UBE2E3: variants seen among roughly 807,000 people sequenced by gnomAD.
UBE2E3 encodes ubiquitin-conjugating enzyme E2 E3.
A neutral mutation model predicts 23.6 loss-of-function variants in UBE2E3; 5 were observed. The ratio of observed to expected loss-of-function variants is 0.21; its 90% CI spans 0.11 to 0.44. The LOEUF (loss-of-function observed/expected upper bound fraction) is 0.44. Among genes scored for constraint, UBE2E3 ranks in the 20% least tolerant of loss-of-function variants. The pLI is 0.99. For missense variants in UBE2E3, 81 were observed against 249.8 expected, an observed-to-expected ratio of 0.32 and a Z score of 4.55; for synonymous variants, 78 against 87.5, an observed-to-expected ratio of 0.89 and a Z score of 0.60.
At chr2:181,031,701 G>A (rs548631066) in intron 3 of UBE2E3, among the ~76,000 whole-genome samples, 1 of 151,944 alleles carries the variant, frequency 6.6e-6, no homozygotes, top group Non-Finnish European at 1.5e-5. Flanking sequence ...GTTTTGTTTT[G>A]CTCATAATTC....
chr2:181,053,018 C>T (rs1427262019), intron 3 of UBE2E3, among the ~76,000 whole-genome samples: 2 of 151,826 alleles, frequency 1.3e-5, no homozygotes, highest in Admixed American at 1.3e-4. Flanking sequence ...ATTTCTTAGT[C>T]GTTTCACCAC....
At chr2:181,006,173 A>G in intron 3 of UBE2E3, among the ~76,000 whole-genome samples, 1 of 152,172 alleles carries the variant, frequency 6.6e-6, no homozygotes, top group East Asian at 1.9e-4. Context: ...TAGGGTCAGA[A>G]TTCGTATCAC....
intron 4 of UBE2E3, among the ~76,000 whole-genome samples, chr2:181,059,158 T>C (rs908735): frequency 0.038 from 5,792 of 151,808 alleles, 311 homozygotes; most frequent in East Asian, 0.19. Context: ...TGCTGAGATA[T>C]ACAGTATTAA....
intron 3 of UBE2E3, among the ~76,000 whole-genome samples, chr2:181,056,077 T>C (rs953476360): frequency 1.4e-5 from 1 of 73,770 alleles, no homozygotes; most frequent in Admixed American, 1.7e-4. Flanking sequence ...AGGAAGGAAA[T>C]GCTTAAAAAA....
chr2:181,062,659 T>TC, intron 5 of UBE2E3, 132 bp from the exon 6 acceptor site: 1 of 425,002 alleles, frequency 2.4e-6, no homozygotes, highest in South Asian at 7.8e-5. Flanking sequence ...TTAAACTTTT[T>TC]CTTTTGAAAA....
chr2:181,013,154 G>A (rs1685385691), intron 3 of UBE2E3, among the ~76,000 whole-genome samples: 1 of 152,102 alleles, frequency 6.6e-6, no homozygotes, highest in African/African-American at 2.4e-5. Context: ...TTGCAAATAT[G>A]TTAATTGCAA....
At chr2:181,006,828 C>A (rs1685163728) in intron 3 of UBE2E3, among the ~76,000 whole-genome samples, 1 of 152,136 alleles carries the variant, frequency 6.6e-6, no homozygotes, top group African/African-American at 2.4e-5. Context: ...TCTGATACTT[C>A]AGAGAAGACT....
chr2:180,991,103 G>T lies in UBE2E3; in HGVS notation c.245+7010G>T, dbSNP rs139271123. Among the ~76,000 whole-genome samples, 134 of 151,958 alleles carry T rather than the reference G, an allele frequency of 8.8e-4. 1 individual carries two copies. The highest frequency in any genetic ancestry group is 3.1e-3 in the African/African-American group (129 of 41,426). The stretch of plus-strand genomic sequence containing the variant: ...TAGTTTCAAGTCAGTTCACATTTAG[G>T]GTTGCTACCAAATTATTTTGTAACA... On this transcript the variant is annotated intron_variant, in intron 3 of 5. Transcript: ENST00000410062.
At chr2:180,988,560 G>T (rs184352012) in intron 3 of UBE2E3, among the ~76,000 whole-genome samples, 61 of 152,238 alleles carry the variant, frequency 4.0e-4, no homozygotes, top group Non-Finnish European at 6.9e-4. Flanking sequence ...AAGAATTTGT[G>T]ATTTTACTGT....
At chr2:181,018,730 C>T (rs1380872245) in intron 3 of UBE2E3, among the ~76,000 whole-genome samples, 1 of 151,518 alleles carries the variant, frequency 6.6e-6, no homozygotes, top group Non-Finnish European at 1.5e-5. Flanking sequence ...TGATTTCATA[C>T]AGTTGGTAAC....
intron 3 of UBE2E3, among the ~76,000 whole-genome samples, chr2:181,041,505 A>G (rs1161463446): frequency 1.3e-5 from 2 of 151,494 alleles, no homozygotes; most frequent in Non-Finnish European, 2.9e-5. Context: ...TAGTGGCACA[A>G]CCGGCTCACT....
chr2:181,054,080 T>A (rs1228398650), intron 3 of UBE2E3, among the ~76,000 whole-genome samples: 1 of 151,868 alleles, frequency 6.6e-6, no homozygotes, highest in Non-Finnish European at 1.5e-5. Context: ...CCACAGTTTA[T>A]ATATCCATTC....
intron 3 of UBE2E3, among the ~76,000 whole-genome samples, chr2:181,022,872 A>T (rs2105629919): frequency 6.6e-6 from 1 of 152,236 alleles, no homozygotes; most frequent in Non-Finnish European, 1.5e-5. Context: ...AAAAGCCCCT[A>T]GTATTGATTT....
intron 4 of UBE2E3, among the ~76,000 whole-genome samples, chr2:181,058,826 G>T (rs1687055531): frequency 6.6e-6 from 1 of 151,692 alleles, no homozygotes; most frequent in Non-Finnish European, 1.5e-5. Context: ...CCATCTAGTG[G>T]TATTTACCCC....
chr2:181,022,437 A>T (rs1198875581), intron 3 of UBE2E3, among the ~76,000 whole-genome samples: 3 of 152,084 alleles, frequency 2.0e-5, no homozygotes, highest in East Asian at 3.9e-4. Flanking sequence ...TTGATCTTCT[A>T]GTTAATTATG....
intron 4 of UBE2E3, among the ~76,000 whole-genome samples, chr2:181,059,922 A>T (rs1019317795): frequency 2.6e-5 from 4 of 151,224 alleles, no homozygotes; most frequent in Non-Finnish European, 5.9e-5. Context: ...TTTCTCGGCA[A>T]CTCCAATTAT....
chr2:181,057,646 T>G (rs760247890), intron 3 of UBE2E3, 47 bp from the exon 4 acceptor site: 2 of 1,482,002 alleles, frequency 1.3e-6, no homozygotes. Context: ...ATATTAACAT[T>G]CATTGCTAAT....
intron 4 of UBE2E3, among the ~76,000 whole-genome samples, chr2:181,059,663 A>G (rs1314253617): frequency 6.6e-6 from 1 of 151,620 alleles, no homozygotes; most frequent in African/African-American, 2.4e-5. Flanking sequence ...GTTCGTCTCA[A>G]TTCACCTTGC....
At chr2:181,019,311 C>T (rs867458231) in intron 3 of UBE2E3, among the ~76,000 whole-genome samples, 6 of 152,234 alleles carry the variant, frequency 3.9e-5, no homozygotes, top group Middle Eastern at 3.4e-3. Flanking sequence ...AGTTGATAGA[C>T]GCTAAATCAT....
Sources: gnomAD v4.1 joint callset for allele counts (sites outside exome capture counted in the v4.1 genomes callset) on GRCh38, gnomAD v4.1.1 for gene constraint, MANE v1.5 for transcripts, NCBI Gene and HGNC (gene_info 2026-07-23, HGNC 2026-07-21) for gene names.